Variants in CLEC12A observed in about 807,000 individuals in gnomAD.
CLEC12A encodes the protein C-type lectin protein CLL-1.
Under a neutral mutation model 26.5 loss-of-function variants are expected in CLEC12A, and 22 were observed. That is an observed-to-expected ratio of 0.83 (90% CI 0.59 to 1.19). The LOEUF is 1.19. CLEC12A is among the 50% of genes most tolerant of loss of function. The pLI is 0.00. For missense variants in CLEC12A, 353 were observed against 315.6 expected (o/e 1.12, Z -0.90); for synonymous variants, 119 against 101.9 (o/e 1.17, Z -1.01).
chr12:9,971,259 A>G, upstream of CLEC12A: 1 of 222,440 alleles, frequency 4.5e-6, no homozygotes, highest in Non-Finnish European at 7.6e-6. Context: ...CTTGCATGAC[A>G]CTGATGATGT....
intron 1 of CLEC12A, among the ~76,000 whole-genome samples, chr12:9,974,514 A>G (rs1864255105): frequency 6.6e-6 from 1 of 152,208 alleles, no homozygotes; most frequent in South Asian, 2.1e-4. Context: ...TAAACTTAAA[A>G]TGTCAAAAAT....
At chr12:10,002,438 A>ATTTTTTTTTTTTTTTTTTTT in the CLEC12A span, among the ~76,000 whole-genome samples, 11 of 127,504 alleles carry the variant, frequency 8.6e-5, no homozygotes, top group Non-Finnish European at 1.7e-4. Context: ...AAGTTGGGTA[A>ATTTTTTTTTTTTTTTTTTTT]TGTTTTTTTT....
intron 1 of CLEC12A, among the ~76,000 whole-genome samples, chr12:9,965,386 G>A (rs1394600746): frequency 6.6e-6 from 1 of 152,084 alleles, no homozygotes; most frequent in African/African-American, 2.4e-5. Flanking sequence ...ATAGGTAAGA[G>A]ATGAGGAAGA....
intron 4 of CLEC12A, 62 bp downstream of exon 4, chr12:9,980,795 T>C: frequency 1.3e-6 from 2 of 1,540,580 alleles, no homozygotes; most frequent in Non-Finnish European, 1.8e-6. Flanking sequence ...TGGAGAAGAC[T>C]TCAATCAACC....
rs1864729293 is a variant in CLEC12A, at chr12:9,985,207, G to C, written c.*181G>C. On this transcript the variant is annotated 3_prime_UTR_variant, in exon 6 of 6. Coordinates refer to ENST00000304361, the MANE Select transcript of CLEC12A (RefSeq NM_138337.6). ...ATAGACTGTGAATGTTAATGCCAGA[G>C]AGGTATAATGAAGCATGTCCCACCT... 3.4e-6 allele frequency: 2 copies of C among 580,770 alleles called. No homozygotes were observed. The highest frequency in any genetic ancestry group is 3.4e-5 in the East Asian group (1 of 29,070). 36.0% of individuals were successfully genotyped at this position (580,770 alleles called of 1,614,324 possible).
chr12:9,996,754 A>T, downstream of CLEC12A: 1 of 1,310,852 alleles, frequency 7.6e-7, no homozygotes, highest in Non-Finnish European at 1.1e-6. Context: ...GAAAGATGTT[A>T]AGAAAAATGT....
At chr12:9,977,180 T>G (rs1452854071) in intron 1 of CLEC12A, among the ~76,000 whole-genome samples, 2 of 152,220 alleles carry the variant, frequency 1.3e-5, no homozygotes, top group African/African-American at 4.8e-5. Flanking sequence ...ATTTCAGAAA[T>G]TTTTGCAATA....
At chr12:9,989,701 T>C (rs532571163), downstream of CLEC12A, among the ~76,000 whole-genome samples, 8 of 152,328 alleles carry the variant, frequency 5.3e-5, no homozygotes, top group South Asian at 1.5e-3. Flanking sequence ...ATCCAGAAGA[T>C]ATAGCTAAGA....
chr12:9,968,385 G>A (rs112532502), upstream of CLEC12A, among the ~76,000 whole-genome samples: 1 of 28,260 alleles, frequency 3.5e-5, no homozygotes, highest in Non-Finnish European at 7.1e-5. Context: ...GAAGGGAGAT[G>A]GGGTGGGGCT....
intron 5 of CLEC12A, among the ~76,000 whole-genome samples, chr12:9,984,471 C>A (rs1204245266): frequency 6.6e-6 from 1 of 151,830 alleles, no homozygotes; most frequent in Non-Finnish European, 1.5e-5. Flanking sequence ...CAGGTGAATT[C>A]CTGACTTTGA....
chr12:9,969,072 G>C (rs1864039897), upstream of CLEC12A, among the ~76,000 whole-genome samples: 1 of 152,176 alleles, frequency 6.6e-6, no homozygotes, highest in Non-Finnish European at 1.5e-5. Flanking sequence ...GCAGAGAGTA[G>C]AATTGTGGTT....
chr12:9,953,399 AGGG>A (rs1863675170), intron 1 of CLEC12A: 1 of 50,530 alleles, frequency 2.0e-5, no homozygotes, highest in Non-Finnish European at 4.1e-5. Context: ...CCCGTCCGGG[AGGG>A]AGGTGGGGGG....
rs1454756316 is a variant in CLEC12A at position 9,984,985 on chromosome 12, A to T, written c.757A>T (p.Asn253Tyr). Residue 253 changes from asparagine (N) to tyrosine (Y), a missense_variant, in exon 6 of 6, where the codon AAT becomes TAT. Transcript: ENST00000304361. Reference sequence around the variant, plus strand: ...AAGAATGATATGTGAGAAGATGGCCAATCCAGTGCAGCTTGGTTCTACATA... The same window carrying T: ...AAGAATGATATGTGAGAAGATGGCCTATCCAGTGCAGCTTGGTTCTACATA... ...KKRMICEKMA[N>Y]PVQLGSTYFR... 6.5e-7 allele frequency: 1 copy of T among 1,547,492 alleles called. No individual in the cohort carries two copies. The highest frequency in any genetic ancestry group is 2.0e-5 in the Admixed American group (1 of 51,048).
intron 1 of CLEC12A, among the ~76,000 whole-genome samples, chr12:9,965,620 G>C (rs1286723348): frequency 3.9e-5 from 6 of 152,020 alleles, no homozygotes; most frequent in African/African-American, 1.5e-4. Flanking sequence ...ATATGGATTT[G>C]GCACCATGGG....
At chr12:10,005,671 G>A in the CLEC12A span, among the ~76,000 whole-genome samples, 1 of 152,130 alleles carries the variant, frequency 6.6e-6, no homozygotes, top group Non-Finnish European at 1.5e-5. Flanking sequence ...CATTTTAATT[G>A]GGATATTTTA....
downstream of CLEC12A, chr12:9,997,302 A>G: frequency 6.3e-7 from 1 of 1,584,690 alleles, no homozygotes; most frequent in Non-Finnish European, 8.6e-7. Flanking sequence ...AGTAAATAAT[A>G]ATAATTTGTA....
intron 5 of CLEC12A, chr12:9,983,731 G>A (rs1289269253): frequency 1.3e-5 from 6 of 470,994 alleles, no homozygotes; most frequent in African/African-American, 1.2e-4. Flanking sequence ...AGAATTTTTT[G>A]TTTTGTTTTG....
intron 1 of CLEC12A, among the ~76,000 whole-genome samples, chr12:9,962,968 G>A (rs1019870380): frequency 7.2e-5 from 11 of 152,164 alleles, no homozygotes; most frequent in South Asian, 2.1e-4. Context: ...TGCTTCCAGC[G>A]GGATTAGGGG....
At chr12:9,961,566 G>A (rs1476461807) in intron 1 of CLEC12A, among the ~76,000 whole-genome samples, 2 of 152,066 alleles carry the variant, frequency 1.3e-5, no homozygotes, top group African/African-American at 2.4e-5. Context: ...TAGATAAAAT[G>A]TATAAAACAA....
Sources: allele counts gnomAD v4.1 joint callset (sites outside exome capture counted in the v4.1 genomes callset), GRCh38; gene constraint gnomAD v4.1.1; transcripts MANE v1.5; gene names NCBI Gene and HGNC (gene_info 2026-07-23, HGNC 2026-07-21).